The following BTBD9 variants were observed in gnomAD, a reference collection of about 807,000 sequenced individuals.
BTBD9 encodes BTB/POZ domain-containing protein 9.
Under a neutral mutation model 64.3 loss-of-function variants are expected in BTBD9, and 49 were observed. The ratio of observed to expected loss-of-function variants is 0.76; its 90% confidence interval spans 0.61 to 0.97. The LOEUF (loss-of-function observed/expected upper bound fraction) is 0.97, where lower values mean the gene tolerates loss of function less well. Ranked by LOEUF, BTBD9 falls within the 50% of genes least tolerant of loss-of-function variation. The pLI is 0.00. For missense variants in BTBD9, 598 were observed against 762.1 expected (o/e 0.78, Z 2.53); for synonymous variants, 260 against 274.7 (o/e 0.95, Z 0.53).
chr6:38,440,589 C>T (rs566971696), intron 6 of BTBD9, among the ~76,000 whole-genome samples: 2 of 152,246 alleles, frequency 1.3e-5, no homozygotes, highest in South Asian at 4.1e-4. Context: ...CTTAGATAAG[C>T]TTTTTAAATT....
chr6:38,362,661 C>A (rs1294475750), intron 6 of BTBD9, among the ~76,000 whole-genome samples: 2 of 152,118 alleles, frequency 1.3e-5, no homozygotes, highest in Non-Finnish European at 2.9e-5. Flanking sequence ...CTTCAAAAAT[C>A]CTTTTTATAA....
chr6:38,587,460 C>A, intron 4 of BTBD9: 1 of 547,006 alleles, frequency 1.8e-6, no homozygotes. Context: ...AACGAGTTTT[C>A]AGGGGAAAAC....
chr6:38,296,709 GTTAATCATTTCTAAATATT>G (rs886628651), intron 7 of BTBD9, among the ~76,000 whole-genome samples: 7 of 152,076 alleles, frequency 4.6e-5, no homozygotes, highest in African/African-American at 1.7e-4. Context: ...TATTTTAAAA[GTTAATCATTTCTAAATATT>G]TTATAATTTC....
At chr6:38,182,841 T>G (rs1308753417) in intron 10 of BTBD9, among the ~76,000 whole-genome samples, 1 of 152,166 alleles carries the variant, frequency 6.6e-6, no homozygotes. Context: ...TTATTGTTGC[T>G]CCAATATGAC....
At chr6:38,274,306 A>G (rs1174472228) in intron 8 of BTBD9, among the ~76,000 whole-genome samples, 1 of 152,216 alleles carries the variant, frequency 6.6e-6, no homozygotes, top group Non-Finnish European at 1.5e-5. Context: ...TTCTAGATAT[A>G]CAATCACATC....
intron 6 of BTBD9, among the ~76,000 whole-genome samples, chr6:38,423,059 G>C (rs150315301): frequency 3.1e-4 from 47 of 152,232 alleles, no homozygotes; most frequent in Non-Finnish European, 5.4e-4. Flanking sequence ...GTGGCCAGGA[G>C]TTCGAGATCA....
At chr6:38,407,363 AG>A (rs1767215349) in intron 6 of BTBD9, among the ~76,000 whole-genome samples, 2 of 152,264 alleles carry the variant, frequency 1.3e-5, no homozygotes, top group Admixed American at 1.3e-4. Flanking sequence ...GCAATAAAAG[AG>A]GAAGTTCTTT....
intron 7 of BTBD9, among the ~76,000 whole-genome samples, chr6:38,301,559 A>C (rs1251088274): frequency 6.6e-6 from 1 of 152,134 alleles, no homozygotes; most frequent in Admixed American, 6.6e-5. Context: ...GTCTATTCAG[A>C]GATTCAACTT....
At chr6:38,178,381 C>T (rs558573111) in intron 10 of BTBD9, among the ~76,000 whole-genome samples, 6 of 152,076 alleles carry the variant, frequency 3.9e-5, no homozygotes, top group East Asian at 1.9e-4. Flanking sequence ...CAGAGGATGA[C>T]GCTGCACACG....
At chr6:38,595,637 C>T (rs1776999649) in intron 2 of BTBD9, 3 of 242,898 alleles carry the variant, frequency 1.2e-5, no homozygotes, top group Non-Finnish European at 1.3e-5. Context: ...CTAAAATTCT[C>T]AGAGTAGGAC....
chr6:38,249,747 G>C (rs1187139594), intron 9 of BTBD9, among the ~76,000 whole-genome samples: 1 of 109,908 alleles, frequency 9.1e-6, no homozygotes, highest in Non-Finnish European at 1.8e-5. Context: ...TCAAATAAGA[G>C]CATTAAGAAT....
chr6:38,210,529 C>T (rs934126212), intron 9 of BTBD9, among the ~76,000 whole-genome samples: 1 of 103,862 alleles, frequency 9.6e-6, no homozygotes, highest in Non-Finnish European at 1.9e-5. Context: ...TGGGAGAGTG[C>T]GTGTGTTTGT....
At chr6:38,476,254 T>C (rs1385449948) in intron 6 of BTBD9, among the ~76,000 whole-genome samples, 1 of 152,176 alleles carries the variant, frequency 6.6e-6, no homozygotes, top group Non-Finnish European at 1.5e-5. Context: ...GGATATAAAA[T>C]TAAAAGCATA....
intron 8 of BTBD9, among the ~76,000 whole-genome samples, chr6:38,281,419 G>A (rs1449845545): frequency 6.6e-6 from 1 of 152,076 alleles, no homozygotes; most frequent in Admixed American, 6.6e-5. Context: ...GACCACAGTG[G>A]CATATGTAAT....
chr6:38,384,257 C>T (rs1766060358), intron 6 of BTBD9, among the ~76,000 whole-genome samples: 1 of 152,110 alleles, frequency 6.6e-6, no homozygotes, highest in South Asian at 2.1e-4. Context: ...AAACACACTG[C>T]ATTATATAAA....
In BTBD9 at chr6:38,556,022, T is replaced by C. The variant is rs888322470; in HGVS notation, c.1154+21578A>G. ...CACGTGGACAGTTCATTAGTGAACATTTTTATACTATGATTACTTCTGTTT... is the reference window on the plus strand; with the variant it reads ...CACGTGGACAGTTCATTAGTGAACACTTTTATACTATGATTACTTCTGTTT... On this transcript the variant is annotated intron_variant, in intron 6 of 10. Transcript: ENST00000481247. Among the ~76,000 whole-genome samples, 3 of 152,206 alleles carry C rather than the reference T, an allele frequency of 2.0e-5. 1 individual carries two copies. The highest frequency in any genetic ancestry group is 1.3e-4 in the Admixed American group (2 of 15,282).
At chr6:38,506,508 A>G (rs757908177) in intron 6 of BTBD9, among the ~76,000 whole-genome samples, 1 of 152,256 alleles carries the variant, frequency 6.6e-6, no homozygotes, top group African/African-American at 2.4e-5. Flanking sequence ...ATTATATCAC[A>G]TATCACTAAC....
At chr6:38,338,515 G>A (rs1763984368) in intron 7 of BTBD9, among the ~76,000 whole-genome samples, 1 of 152,136 alleles carries the variant, frequency 6.6e-6, no homozygotes, top group Non-Finnish European at 1.5e-5. Context: ...GCCTAAAGCT[G>A]ATAATAGAAT....
At chr6:38,241,144 T>A (rs951508411) in intron 9 of BTBD9, among the ~76,000 whole-genome samples, 2 of 152,166 alleles carry the variant, frequency 1.3e-5, no homozygotes, top group Non-Finnish European at 2.9e-5. Flanking sequence ...AGCTTATATG[T>A]CCACTGCTAA....
Sources: allele counts gnomAD v4.1 joint callset (sites outside exome capture counted in the v4.1 genomes callset), GRCh38; gene constraint gnomAD v4.1.1; transcripts MANE v1.5; gene names NCBI Gene and HGNC (gene_info 2026-07-23, HGNC 2026-07-21).